Variants in ZDHHC11B observed in about 807,000 individuals in gnomAD.
ZDHHC11B encodes the protein probable palmitoyltransferase ZDHHC11B.
A neutral mutation model predicts 42.3 loss-of-function variants in ZDHHC11B; 17 were observed. That is an observed-to-expected ratio of 0.40 (90% CI 0.27 to 0.60). The LOEUF is 0.60. Among genes scored for constraint, ZDHHC11B ranks in the 20% least tolerant of loss-of-function variants. ZDHHC11B has a pLI of 0.41. For synonymous variants in ZDHHC11B, 123 were observed against 193.5 expected (o/e 0.64, Z 3.02); for missense variants, 262 against 463.2 (o/e 0.57, Z 3.99).
chr5:749,325 A>G (rs1473841951), intron 7 of ZDHHC11B, among the ~76,000 whole-genome samples: 1 of 130,442 alleles, frequency 7.7e-6, no homozygotes, highest in Non-Finnish European at 1.7e-5. Context: ...ACTTCCAAAA[A>G]TCAGGCGTAA....
intron 1 of ZDHHC11B, among the ~76,000 whole-genome samples, chr5:776,724 C>T (rs1278633875): frequency 8.6e-5 from 13 of 151,978 alleles, no homozygotes; most frequent in African/African-American, 2.9e-4. Flanking sequence ...CACCAAGGGG[C>T]CTTCTAGGAC....
rs1348975995 is a variant in ZDHHC11B, at chr5:778,006, G to C, written c.-230+6662C>G. Among the ~76,000 whole-genome samples the C allele has an allele frequency of 2.6e-5, 4 of 152,052 alleles. No homozygotes were observed. The East Asian group carries it at 7.7e-4, about 29-fold the overall frequency. On this transcript the variant is annotated intron_variant, in intron 1 of 13. Coordinates refer to ENST00000508859, the MANE Select transcript of ZDHHC11B (RefSeq NM_001351303.2). Reference sequence around the variant, plus strand: ...GAGGCCCCGCGAGAATTTGAGCATGGCGCAGGCGGGCTGGCAGTGCTGGGG... The same window carrying C: ...GAGGCCCCGCGAGAATTTGAGCATGCCGCAGGCGGGCTGGCAGTGCTGGGG...
intron 1 of ZDHHC11B, among the ~76,000 whole-genome samples, chr5:778,679 G>A (rs1378615338): frequency 3.9e-5 from 6 of 152,076 alleles, no homozygotes; most frequent in Non-Finnish European, 7.4e-5. Flanking sequence ...ACCTGTGAAC[G>A]CGACCTTGTT....
At chr5:764,031 G>A (rs1278118391) in intron 4 of ZDHHC11B, among the ~76,000 whole-genome samples, 4 of 151,938 alleles carry the variant, frequency 2.6e-5, no homozygotes, top group Non-Finnish European at 5.9e-5. Context: ...AGAGAGACAT[G>A]GCCTTGCCCA....
intron 6 of ZDHHC11B, among the ~76,000 whole-genome samples, chr5:754,386 T>TG (rs1746283174): frequency 2.6e-4 from 6 of 23,250 alleles, no homozygotes; most frequent in African/African-American, 7.0e-4. Context: ...CCTCTCATCC[T>TG]TGTGCCTCCA....
chr5:757,438 G>A (rs1428092277), intron 4 of ZDHHC11B, among the ~76,000 whole-genome samples: 7 of 152,008 alleles, frequency 4.6e-5, no homozygotes, highest in East Asian at 1.9e-4. Flanking sequence ...CCCCTCTCTG[G>A]AGCCCCCTCA....
At chr5:780,355 A>G (rs1214975132) in intron 1 of ZDHHC11B, among the ~76,000 whole-genome samples, 1 of 150,714 alleles carries the variant, frequency 6.6e-6, no homozygotes, top group African/African-American at 2.5e-5. Flanking sequence ...ACCTGCTGAC[A>G]GTATGGTGGT....
intron 1 of ZDHHC11B, among the ~76,000 whole-genome samples, chr5:777,553 G>C (rs6896295): frequency 0.69 from 103,913 of 150,808 alleles, 32,817 homozygotes; most frequent in South Asian, 0.72. Context: ...GTCAGGTTGC[G>C]GCAGGGCGTT....
At chr5:722,156 G>T (rs1483650426) in intron 12 of ZDHHC11B, among the ~76,000 whole-genome samples, 2 of 151,840 alleles carry the variant, frequency 1.3e-5, no homozygotes, top group East Asian at 3.8e-4. Context: ...TTGGTGAAAA[G>T]ATTCATTAAT....
At chr5:771,154 T>A (rs1196520443) in intron 1 of ZDHHC11B, among the ~76,000 whole-genome samples, 1 of 151,846 alleles carries the variant, frequency 6.6e-6, no homozygotes, top group Non-Finnish European at 1.5e-5. Context: ...CACATGTGCG[T>A]GTCCCAACCC....
At chr5:776,411 C>G (rs1313984684) in intron 1 of ZDHHC11B, among the ~76,000 whole-genome samples, 2 of 151,846 alleles carry the variant, frequency 1.3e-5, no homozygotes, top group African/African-American at 4.8e-5. Context: ...GAGAAGCAAC[C>G]CCCCAGTAAA....
chr5:719,909 G>C (rs1303107172), intron 12 of ZDHHC11B, among the ~76,000 whole-genome samples: 7 of 151,826 alleles, frequency 4.6e-5, no homozygotes, highest in Middle Eastern at 3.4e-3. Flanking sequence ...ATGTCATTCT[G>C]CCCTGCTCTG....
intron 4 of ZDHHC11B, among the ~76,000 whole-genome samples, chr5:760,043 A>C (rs405608): frequency 0.32 from 47,202 of 148,780 alleles, 5,989 homozygotes; most frequent in South Asian, 0.44. Context: ...GCTCCTTTAG[A>C]AATGGAGATC....
At chr5:776,449 A>G (rs1736492472) in intron 1 of ZDHHC11B, among the ~76,000 whole-genome samples, 1 of 151,828 alleles carries the variant, frequency 6.6e-6, no homozygotes, top group Non-Finnish European at 1.5e-5. Context: ...GCACAGCCCC[A>G]AGGGAGACCG....
In ZDHHC11B at chr5:767,497, G is replaced by A. The variant is rs570297158; in HGVS notation, c.-106C>T. On this transcript the variant is annotated 5_prime_UTR_variant, in exon 3 of 14. Transcript: ENST00000508859. ...TGCTGAATTATTCTGCATCGAAAGCGCAGTAGTGGCACTGGAGAGAAAGGT... is the reference window on the plus strand; with the variant it reads ...TGCTGAATTATTCTGCATCGAAAGCACAGTAGTGGCACTGGAGAGAAAGGT... 4.5e-5 allele frequency: 67 copies of A among 1,505,482 alleles called. 2 individuals are homozygous for A. The Middle Eastern group carries it at 5.4e-4, about 12-fold the overall frequency. The allele number at this position is 1,505,482 out of a possible 1,614,324, so 93.3% of individuals were successfully genotyped here.
rs1741400556 is a variant in ZDHHC11B at position 711,813 on chromosome 5, A to AG, written c.*476_*477insC. ...TGATCCCATTTCCTAGTACTGTGCT[A>AG]CCATTTCCCAGTACTGTGCTCCCAT... is the stretch of plus-strand genomic sequence containing the variant. On this transcript the variant is annotated 3_prime_UTR_variant, in exon 14 of 14. Coordinates refer to ENST00000508859, the MANE Select transcript of ZDHHC11B (RefSeq NM_001351303.2). 2.2e-5 allele frequency: 2 copies of AG among 90,914 alleles called. No individual in the cohort carries two copies. Among genetic ancestry groups the AG allele is most frequent in the African/African-American group, 4.7e-5 (1 of 21,072 alleles). The allele number at this position is 90,914 out of a possible 1,614,324, so 5.6% of individuals were successfully genotyped here.
intron 8 of ZDHHC11B, among the ~76,000 whole-genome samples, chr5:746,501 T>C (rs547342279): frequency 7.5e-6 from 1 of 132,540 alleles, no homozygotes; most frequent in Non-Finnish European, 1.7e-5. Flanking sequence ...TCCTTTCATG[T>C]TTCTGCCACA....
intron 1 of ZDHHC11B, among the ~76,000 whole-genome samples, chr5:773,937 A>G (rs1353606610): frequency 6.6e-6 from 1 of 151,920 alleles, no homozygotes; most frequent in East Asian, 1.9e-4. Flanking sequence ...ACAGGCTTGA[A>G]GAGGACAGAA....
chr5:771,714 T>C (rs2150233962), intron 1 of ZDHHC11B, among the ~76,000 whole-genome samples: 1 of 151,664 alleles, frequency 6.6e-6, no homozygotes, highest in Non-Finnish European at 1.5e-5. Context: ...CCAGAAGCAA[T>C]GGTGGGTTTT....
Sources: allele counts gnomAD v4.1 joint callset (sites outside exome capture counted in the v4.1 genomes callset), GRCh38; gene constraint gnomAD v4.1.1; transcripts MANE v1.5; gene names NCBI Gene and HGNC (gene_info 2026-07-23, HGNC 2026-07-21).